The following DOCK2 variants were observed in gnomAD, a reference collection of about 807,000 sequenced individuals.
DOCK2 encodes dedicator of cytokinesis protein 2.
A neutral mutation model predicts 248.9 loss-of-function variants in DOCK2; 87 were observed. The ratio of observed to expected loss-of-function variants is 0.35; its 90% CI spans 0.29 to 0.42. The LOEUF is 0.42. DOCK2 is among the 10% of genes least tolerant of loss of function. The pLI is 1.00. For missense variants in DOCK2, 1,747 were observed against 2,300.2 expected (o/e 0.76, Z 4.92); for synonymous variants, 805 against 821.6 (o/e 0.98, Z 0.35).
chr5:170,061,886 C>T (rs1046269408), intron 44 of DOCK2, among the ~76,000 whole-genome samples: 1 of 152,176 alleles, frequency 6.6e-6, no homozygotes, highest in Non-Finnish European at 1.5e-5. Flanking sequence ...CACCTTGGCC[C>T]CTCAGAGCCC....
intron 6 of DOCK2, among the ~76,000 whole-genome samples, chr5:169,675,000 T>C (rs1209637024): frequency 6.6e-6 from 1 of 152,232 alleles, no homozygotes; most frequent in Admixed American, 6.5e-5. Context: ...TATAAGTAAC[T>C]CTTAATCAGA....
chr5:169,676,717 G>A (rs1759353962), intron 6 of DOCK2, among the ~76,000 whole-genome samples: 1 of 152,192 alleles, frequency 6.6e-6, no homozygotes, highest in Admixed American at 6.5e-5. Context: ...GGGAGATTGG[G>A]TGGGGGTGGC....
At chr5:169,902,362 A>G (rs1034962236) in intron 27 of DOCK2, among the ~76,000 whole-genome samples, 15 of 152,200 alleles carry the variant, frequency 9.9e-5, no homozygotes, top group African/African-American at 3.6e-4. Flanking sequence ...AGTGAGCCAC[A>G]TTTTAGAAAG....
chr5:170,039,615 C>T (rs1314907218), intron 36 of DOCK2, among the ~76,000 whole-genome samples: 1 of 152,258 alleles, frequency 6.6e-6, no homozygotes, highest in Non-Finnish European at 1.5e-5. Context: ...TTGGCGGTCC[C>T]TGCCCTGATT....
At position 169,981,624 on chromosome 5, in the gene DOCK2, T is replaced by C. The variant is rs544292100; in HGVS notation, c.2800-1444T>C. Reference sequence around the variant, plus strand: ...AACTTCACTATGGCAAAGTTCACTGTTGTCTTTTTTTAAGAAATTGCCACA... The same window carrying C: ...AACTTCACTATGGCAAAGTTCACTGCTGTCTTTTTTTAAGAAATTGCCACA... On this transcript the variant is annotated intron_variant, in intron 27 of 51. Coordinates refer to ENST00000520908, the MANE Select transcript of DOCK2 (RefSeq NM_004946.3). Among the ~76,000 whole-genome samples, 3 of 152,272 alleles carry C rather than the reference T, an allele frequency of 2.0e-5. No homozygotes were observed. In the East Asian group the frequency reaches 5.8e-4, roughly 29 times the overall value.
intron 29 of DOCK2, among the ~76,000 whole-genome samples, chr5:169,994,325 G>A (rs1282645209): frequency 6.6e-6 from 1 of 152,184 alleles, no homozygotes; most frequent in African/African-American, 2.4e-5. Flanking sequence ...GGAGAGAGAT[G>A]TTACTGAGTC....
intron 27 of DOCK2, among the ~76,000 whole-genome samples, chr5:169,937,291 C>A (rs1776039382): frequency 6.6e-6 from 1 of 152,172 alleles, no homozygotes; most frequent in Non-Finnish European, 1.5e-5. Context: ...AAATCTGACC[C>A]TTTGAGAACA....
intron 25 of DOCK2, among the ~76,000 whole-genome samples, chr5:169,795,449 G>C (rs1172534047): frequency 6.6e-6 from 1 of 152,180 alleles, no homozygotes; most frequent in East Asian, 1.9e-4. Flanking sequence ...TGATGATTCT[G>C]GGTGTTGTAA....
intron 29 of DOCK2, among the ~76,000 whole-genome samples, chr5:169,990,044 C>A (rs1778167018): frequency 6.6e-6 from 1 of 151,688 alleles, no homozygotes; most frequent in African/African-American, 2.4e-5. Context: ...GGGGTCCCCA[C>A]CTCCTCCAAT....
chr5:169,957,844 C>T (rs1035843852), intron 27 of DOCK2, among the ~76,000 whole-genome samples: 4 of 152,170 alleles, frequency 2.6e-5, no homozygotes, highest in African/African-American at 7.2e-5. Flanking sequence ...TGCTCCCCAC[C>T]TGCATTGCCT....
At chr5:170,012,681 G>GA (rs1160365960) in intron 32 of DOCK2, among the ~76,000 whole-genome samples, 1 of 152,208 alleles carries the variant, frequency 6.6e-6, no homozygotes, top group African/African-American at 2.4e-5. Context: ...TGTTGTTTTG[G>GA]ATCCCGGGCG....
intron 46 of DOCK2, among the ~76,000 whole-genome samples, chr5:170,071,404 G>A (rs531610477): frequency 1.0e-3 from 159 of 152,334 alleles, no homozygotes; most frequent in Non-Finnish European, 2.1e-3. Flanking sequence ...TTCAAGGGGA[G>A]TGAATGTATT....
intron 30 of DOCK2, among the ~76,000 whole-genome samples, chr5:169,996,608 G>T (rs1754643511): frequency 1.3e-5 from 2 of 152,096 alleles, no homozygotes. Context: ...CCAATAACTG[G>T]GACCTCTAAG....
At chr5:169,958,411 A>G (rs1397094002) in intron 27 of DOCK2, among the ~76,000 whole-genome samples, 1 of 152,184 alleles carries the variant, frequency 6.6e-6, no homozygotes, top group African/African-American at 2.4e-5. Context: ...TGCAAACTCC[A>G]TCATCCGAAT....
At chr5:169,958,271 T>C (rs1776947424) in intron 27 of DOCK2, among the ~76,000 whole-genome samples, 1 of 152,164 alleles carries the variant, frequency 6.6e-6, no homozygotes, top group South Asian at 2.1e-4. Context: ...TACTGCACTG[T>C]TATTAATAAG....
At chr5:169,735,980 G>C (rs904167509) in intron 22 of DOCK2, among the ~76,000 whole-genome samples, 1 of 151,968 alleles carries the variant, frequency 6.6e-6, no homozygotes, top group Non-Finnish European at 1.5e-5. Context: ...GAGGGAGAGA[G>C]AGAGTGAGAG....
intron 46 of DOCK2, 78 bp downstream of exon 46, chr5:170,069,298 C>A: frequency 6.7e-7 from 1 of 1,483,304 alleles, no homozygotes; most frequent in Non-Finnish European, 9.3e-7. Flanking sequence ...CCACGCTAGG[C>A]TCTAGCTGAG....
intron 25 of DOCK2, 22 bp from the exon 26 acceptor site, chr5:169,803,036 C>T (rs559659541): frequency 6.8e-6 from 11 of 1,613,836 alleles, no homozygotes; most frequent in Non-Finnish European, 8.5e-6. Context: ...TTCTACACTA[C>T]TCTGAACTGT....
intron 26 of DOCK2, among the ~76,000 whole-genome samples, chr5:169,819,567 G>C: frequency 6.6e-6 from 1 of 152,188 alleles, no homozygotes; most frequent in East Asian, 1.9e-4. Flanking sequence ...GATGCAGTGA[G>C]CTGTGATCAC....
Sources: gnomAD v4.1 joint callset for allele counts (sites outside exome capture counted in the v4.1 genomes callset) on GRCh38, gnomAD v4.1.1 for gene constraint, MANE v1.5 for transcripts, NCBI Gene and HGNC (gene_info 2026-07-23, HGNC 2026-07-21) for gene names.